RET: variants seen among roughly 807,000 people sequenced by gnomAD.
RET encodes proto-oncogene tyrosine-protein kinase receptor Ret.
In RET, 19 loss-of-function variants were observed where a neutral mutation model predicts 118.3. The observed-to-expected ratio is 0.16, with a 90% CI of 0.11 to 0.24. The LOEUF (loss-of-function observed/expected upper bound fraction) is 0.24, where lower values mean the gene tolerates loss of function less well. RET is among the 10% of genes least tolerant of loss of function. The pLI is 1.00. For missense variants in RET, 1,219 were observed against 1,502.1 expected (o/e 0.81, Z 3.12); for synonymous variants, 597 against 644.1 (o/e 0.93, Z 1.11).
chr10:43,109,316 G>A, intron 6 of RET, 86 bp downstream of exon 6: 2 of 1,326,310 alleles, frequency 1.5e-6, no homozygotes, highest in South Asian at 2.5e-5. Context: ...ACTGCCTCTT[G>A]GCCCAACCAG....
rs559619934 is a variant in RET at position 43,084,173 on chromosome 10, C to T, written c.73+6842C>T. Among the ~76,000 whole-genome samples, 3 of 152,350 alleles carry T rather than the reference C, an allele frequency of 2.0e-5. No homozygotes were observed. The East Asian group carries it at 5.8e-4, about 29-fold the overall frequency. Reference sequence around the variant, plus strand: ...CACCTTTTGGCAGTTATGAAAAATGCTGCCAGGGACATTCCTGTTATAAAT... The same window carrying T: ...CACCTTTTGGCAGTTATGAAAAATGTTGCCAGGGACATTCCTGTTATAAAT... On this transcript the variant is annotated intron_variant, in intron 1 of 19. Coordinates refer to ENST00000355710, the MANE Select transcript of RET (RefSeq NM_020975.6).
At chr10:43,098,439 T>TTC (rs386371244) in intron 1 of RET, among the ~76,000 whole-genome samples, 4 of 151,566 alleles carry the variant, frequency 2.6e-5, no homozygotes, top group Admixed American at 6.6e-5. Context: ...TTTTTTTTTT[T>TTC]TGAGACAGGT....
At position 43,106,358 on chromosome 10, in the gene RET, G is replaced by T. The variant is rs57098408; in HGVS notation, c.868-18G>T. ...GCCCATCTCGCCTGCACTGACCAAC[G>T]CCCTCTGCATCCTGCAGGACACCGT... On this transcript the variant is annotated intron_variant, in intron 4 of 19. Transcript: ENST00000355710. This position sits in a 1 kb window ranked among gnomAD's most constrained non-coding sequence, Gnocchi z 5.1. 3.1e-6 allele frequency: 5 copies of T among 1,606,078 alleles called. No individual in the cohort carries two copies. The highest frequency in any genetic ancestry group is 3.3e-5 in the Admixed American group (2 of 59,996).
At position 43,130,056 on chromosome 10, in the gene RET, G is replaced by C; in HGVS notation, c.*1787G>C. 2.5e-6 allele frequency: 1 copy of C among 398,648 alleles called. No homozygotes were observed. The highest frequency in any genetic ancestry group is 4.4e-6 in the Non-Finnish European group (1 of 226,056). The allele number at this position is 398,648 out of a possible 1,614,324, so 24.7% of individuals were successfully genotyped here. On this transcript the variant is annotated 3_prime_UTR_variant, in exon 20 of 20. Coordinates refer to ENST00000355710, the MANE Select transcript of RET (RefSeq NM_020975.6). The stretch of plus-strand genomic sequence containing the variant: ...AGGGTAAGAACTCCAGGTCTAAACA[G>C]CTGACCCAGTGATGGGGAATTTATC...
chr10:43,088,459 G>A lies in RET; in HGVS notation c.73+11128G>A, dbSNP rs545582871. 7.5e-3 allele frequency among the ~76,000 whole-genome samples: 1,135 copies of A among 152,162 alleles called. 16 individuals are homozygous for A. Among genetic ancestry groups the A allele is most frequent in the African/African-American group, 0.026 (1,072 of 41,494 alleles). On this transcript the variant is annotated intron_variant, in intron 1 of 19. Transcript: ENST00000355710. ...GGTGGAGGCAGTGGTAGTAGTGGAG[G>A]TGATGGTGCTGGTGGTAGTGGTGAG...
intron 15 of RET, among the ~76,000 whole-genome samples, chr10:43,121,238 A>G (rs1838211434): frequency 6.6e-6 from 1 of 152,258 alleles, no homozygotes; most frequent in Non-Finnish European, 1.5e-5. Flanking sequence ...CAAGACAGCC[A>G]CACTGCACTA....
At chr10:43,105,281 C>T (rs1185496195) in intron 4 of RET, 88 bp downstream of exon 4, 12 of 1,576,840 alleles carry the variant, frequency 7.6e-6, no homozygotes, top group Admixed American at 6.8e-5. Context: ...GTGTAGCCAC[C>T]CAACCGTGTG....
intron 1 of RET, among the ~76,000 whole-genome samples, chr10:43,096,814 C>T (rs916641620): frequency 6.6e-6 from 1 of 152,222 alleles, no homozygotes; most frequent in Non-Finnish European, 1.5e-5. Flanking sequence ...AAGCGTGAGA[C>T]CTCTGAGCAG....
Position 43,106,721 on chromosome 10 carries a change from C to T in RET, c.1063+150C>T. On this transcript the variant is annotated intron_variant, in intron 5 of 19. Transcript: ENST00000355710. The surrounding 1 kb of genome is among the most constrained non-coding windows in gnomAD (Gnocchi z 5.1). ...CCCTCCACCCTCTGCCCAGCACTTC[C>T]TGTGTCTCTGCCAGGCCTGCCCTCC... 1.2e-6 allele frequency: 1 copy of T among 818,450 alleles called. No homozygotes were observed. The highest frequency in any genetic ancestry group is 2.7e-5 in the East Asian group (1 of 37,452). 50.7% of individuals were successfully genotyped at this position (818,450 alleles called of 1,614,324 possible).
intron 1 of RET, among the ~76,000 whole-genome samples, chr10:43,081,191 A>G (rs2435363): frequency 0.44 from 56,339 of 129,136 alleles, 10,630 homozygotes; most frequent in South Asian, 0.5. Context: ...GGCCCCCCCC[A>G]TCCCCCCTTC....
intron 1 of RET, among the ~76,000 whole-genome samples, chr10:43,099,170 G>A (rs1009272588): frequency 1.3e-5 from 2 of 152,186 alleles, no homozygotes; most frequent in African/African-American, 4.8e-5. Context: ...CTACGCCTCT[G>A]TCCACAGCGC....
rs1800859 is a variant in RET at position 43,102,379 on chromosome 10, C to T, written c.375C>T (p.Val125=). ...CCCTGCTCACCGTCTACCTCAAGGT[C>T]TTCCTGTCACCCACATCCCTTCGTG... is the stretch of plus-strand genomic sequence containing the variant. ...GFPLLTVYLK[V]FLSPTSLREG... Residue 125 remains valine (V), a synonymous_variant, in exon 3 of 20, where the codon GTC becomes GTT. Transcript: ENST00000355710. The T allele has an allele frequency of 6.2e-7, 1 of 1,614,248 alleles. No individual in the cohort carries two copies.
At position 43,129,014 on chromosome 10, in the gene RET, C is replaced by T. The variant is rs1053830989; in HGVS notation, c.*745C>T. The stretch of plus-strand genomic sequence containing the variant: ...AAGAGGGCTCACAAGACACATTTGT[C>T]CCCCGGGCCCACCACATCATCCTCA... On this transcript the variant is annotated 3_prime_UTR_variant, in exon 20 of 20. Coordinates refer to ENST00000355710, the MANE Select transcript of RET (RefSeq NM_020975.6). The T allele has an allele frequency of 8.1e-5, 19 of 235,742 alleles. No individual in the cohort carries two copies. In the Admixed American group the frequency reaches 8.8e-4, roughly 11 times the overall value. The allele number at this position is 235,742 out of a possible 1,614,324, so 14.6% of individuals were successfully genotyped here.
intron 5 of RET, among the ~76,000 whole-genome samples, chr10:43,108,665 A>G (rs1837839149): frequency 6.6e-6 from 1 of 152,108 alleles, no homozygotes; most frequent in African/African-American, 2.4e-5. Context: ...CCCCATACAC[A>G]CAGGCACCAA....
chr10:43,108,461 T>C (rs938600901), intron 5 of RET, among the ~76,000 whole-genome samples: 15 of 152,230 alleles, frequency 9.9e-5, no homozygotes, highest in African/African-American at 3.6e-4. Context: ...TCTGTTTTAA[T>C]GTTAATGCCG....
intron 12 of RET, 62 bp downstream of exon 12, chr10:43,116,793 G>A: frequency 6.4e-7 from 1 of 1,558,896 alleles, no homozygotes; most frequent in South Asian, 1.1e-5. Context: ...GGCGGGTGAG[G>A]CCCCTCCTGC....
At chr10:43,083,986 G>A (rs1156721172) in intron 1 of RET, among the ~76,000 whole-genome samples, 1 of 152,130 alleles carries the variant, frequency 6.6e-6, no homozygotes, top group Non-Finnish European at 1.5e-5. Flanking sequence ...CTGCGGCTTG[G>A]CCTGTCCTGG....
intron 1 of RET, among the ~76,000 whole-genome samples, chr10:43,098,152 C>T (rs1435490647): frequency 6.6e-6 from 1 of 152,154 alleles, no homozygotes; most frequent in African/African-American, 2.4e-5. Flanking sequence ...TAAGTACATT[C>T]ACATTGTTGT....
At chr10:43,104,666 A>C (rs73252048) in intron 3 of RET, 316 of 560,352 alleles carry the variant, frequency 5.6e-4, no homozygotes, top group African/African-American at 5.6e-3. Flanking sequence ...CTGGTTGATC[A>C]GGGTGCCTGG....
Sources: gnomAD v4.1 joint callset for allele counts (sites outside exome capture counted in the v4.1 genomes callset) on GRCh38, gnomAD v4.1.1 for gene constraint, Gnocchi (gnomAD v3.1) non-coding constraint, MANE v1.5 for transcripts, NCBI Gene and HGNC (gene_info 2026-07-23, HGNC 2026-07-21) for gene names.